Variants in DGKI observed in about 807,000 individuals in gnomAD.
DGKI encodes the protein diacylglycerol kinase iota.
A neutral mutation model predicts 147.5 loss-of-function variants in DGKI; 55 were observed. That is an observed-to-expected ratio of 0.37 (90% confidence interval 0.30 to 0.47). DGKI has a LOEUF of 0.47. DGKI is among the 20% of genes least tolerant of loss of function. The pLI, the probability that DGKI is intolerant of heterozygous loss-of-function variation, is 1.00. For missense variants in DGKI, 1,007 were observed against 1,323.8 expected (o/e 0.76, Z 3.71); for synonymous variants, 469 against 477.1 (o/e 0.98, Z 0.22).
intron 23 of DGKI, among the ~76,000 whole-genome samples, chr7:137,476,815 C>A (rs1196017438): frequency 6.6e-6 from 1 of 152,106 alleles, no homozygotes; most frequent in Non-Finnish European, 1.5e-5. Flanking sequence ...CCCAGAAGCC[C>A]CAAGCTATTC....
At chr7:137,494,489 C>A (rs1422252563) in intron 21 of DGKI, among the ~76,000 whole-genome samples, 1 of 152,160 alleles carries the variant, frequency 6.6e-6, no homozygotes. Context: ...AGAAACCCTA[C>A]AAGACAGAAG....
At chr7:137,617,362 C>G (rs182664940) in intron 8 of DGKI, among the ~76,000 whole-genome samples, 5 of 151,980 alleles carry the variant, frequency 3.3e-5, no homozygotes, top group East Asian at 3.9e-4. Context: ...AGCTTAAGAA[C>G]TACGTCAACA....
intron 28 of DGKI, among the ~76,000 whole-genome samples, chr7:137,421,040 G>GA (rs992172713): frequency 7.9e-5 from 12 of 150,978 alleles, no homozygotes; most frequent in South Asian, 4.2e-4. Flanking sequence ...AAAAGAAAAA[G>GA]AAAAAAAAAT....
chr7:137,469,702 C>T, intron 23 of DGKI, 83 bp from the exon 24 acceptor site: 1 of 1,289,458 alleles, frequency 7.8e-7, no homozygotes, highest in South Asian at 1.3e-5. Flanking sequence ...CCATCCTTTC[C>T]TACACAAAGC....
At chr7:137,615,042 G>C (rs1239315819) in intron 8 of DGKI, among the ~76,000 whole-genome samples, 3 of 152,012 alleles carry the variant, frequency 2.0e-5, no homozygotes, top group Non-Finnish European at 4.4e-5. Flanking sequence ...GACCGAAAAT[G>C]CTCCGTACTG....
chr7:137,508,085 A>C (rs1816430568), intron 21 of DGKI, among the ~76,000 whole-genome samples: 1 of 152,164 alleles, frequency 6.6e-6, no homozygotes, highest in Admixed American at 6.5e-5. Context: ...TTTTATACTA[A>C]GAAGTTGAGA....
At chr7:137,416,014 A>G (rs1369882486) in intron 28 of DGKI, among the ~76,000 whole-genome samples, 2 of 145,728 alleles carry the variant, frequency 1.4e-5, no homozygotes, top group African/African-American at 5.0e-5. Flanking sequence ...AACAAAAAAA[A>G]CAACAACAAA....
intron 12 of DGKI, among the ~76,000 whole-genome samples, chr7:137,588,303 A>T (rs776755265): frequency 6.6e-6 from 1 of 152,126 alleles, no homozygotes; most frequent in East Asian, 1.9e-4. Context: ...CTATATTTGT[A>T]CGAGTCATGT....
intron 19 of DGKI, among the ~76,000 whole-genome samples, chr7:137,563,064 A>C (rs1818469976): frequency 2.6e-5 from 4 of 152,126 alleles, no homozygotes; most frequent in African/African-American, 9.6e-5. Context: ...TAATAAATCA[A>C]GCCTAAGAGG....
chr7:137,637,403 C>T (rs1332352017), intron 6 of DGKI, among the ~76,000 whole-genome samples: 3 of 152,208 alleles, frequency 2.0e-5, no homozygotes, highest in Non-Finnish European at 4.4e-5. Context: ...ACTGTCCTCT[C>T]AACAATACCA....
chr7:137,674,552 A>G (rs1323093387), intron 3 of DGKI, among the ~76,000 whole-genome samples: 2 of 152,204 alleles, frequency 1.3e-5, no homozygotes, highest in Non-Finnish European at 2.9e-5. Context: ...AATGTATTCT[A>G]TAGTCATGCT....
Position 137,676,980 on chromosome 7 carries a change from A to G in DGKI, c.606+1577T>C, listed in dbSNP as rs575414311. Among the ~76,000 whole-genome samples the G allele has an allele frequency of 5.3e-5, 8 of 152,340 alleles. No homozygotes were observed. In the East Asian group the frequency reaches 1.5e-3, roughly 29 times the overall value. Reference sequence around the variant, plus strand: ...AGAAATTGTTCAAAAGTATATATGTAAGTAATACTGGCTTTCATTTTTTCC... The same window carrying G: ...AGAAATTGTTCAAAAGTATATATGTGAGTAATACTGGCTTTCATTTTTTCC... On this transcript the variant is annotated intron_variant, in intron 3 of 32. Coordinates refer to ENST00000614521, the MANE Select transcript of DGKI (RefSeq NM_001321708.2).
At chr7:137,501,295 T>C (rs1014883095) in intron 21 of DGKI, among the ~76,000 whole-genome samples, 1 of 152,214 alleles carries the variant, frequency 6.6e-6, no homozygotes, top group Non-Finnish European at 1.5e-5. Context: ...TGCTTCTGCA[T>C]CTTGACTATT....
Position 137,596,349 on chromosome 7 carries a change from C to T in DGKI, c.1311+1498G>A, listed in dbSNP as rs142009489. On this transcript the variant is annotated intron_variant, in intron 12 of 32. Transcript: ENST00000614521. Reference sequence around the variant, plus strand: ...TAACTATGGGTATGGTAAAGAGTCACAGTGAGTTTACCCTTTCATTAAAGA... The same window carrying T: ...TAACTATGGGTATGGTAAAGAGTCATAGTGAGTTTACCCTTTCATTAAAGA... Among the ~76,000 whole-genome samples the T allele has an allele frequency of 2.8e-3, 427 of 152,270 alleles. 2 individuals carry two copies. Among genetic ancestry groups the T allele is most frequent in the Non-Finnish European group, 3.9e-3 (263 of 68,014 alleles).
rs531943531 is a variant in DGKI at position 137,755,298 on chromosome 7, T to C, written c.402-65296A>G. Among the ~76,000 whole-genome samples, 10 of 152,124 alleles carry C rather than the reference T, an allele frequency of 6.6e-5. No individual in the cohort carries two copies. The South Asian group carries it at 2.1e-3, about 32-fold the overall frequency. On this transcript the variant is annotated intron_variant, in intron 1 of 32. Transcript: ENST00000614521. ...CTTTTTCAACATGTCCCATGAAGAG[T>C]TCCCCACCAAACGAGGGGGCCAATC...
intron 1 of DGKI, among the ~76,000 whole-genome samples, chr7:137,781,281 A>G (rs564114604): frequency 6.6e-5 from 10 of 152,276 alleles, no homozygotes. Flanking sequence ...GTAGCAACGC[A>G]TTGTTTTTGT....
intron 6 of DGKI, among the ~76,000 whole-genome samples, chr7:137,640,852 C>T (rs142005586): frequency 1.1e-4 from 16 of 152,036 alleles, no homozygotes; most frequent in African/African-American, 3.6e-4. Context: ...TGATGTTTTC[C>T]CATTTAATAA....
rs1357556984 is a variant in DGKI, at chr7:137,455,643, G to GC, written c.2735+7845_2735+7846insG. Among the ~76,000 whole-genome samples, 173 of 121,590 alleles carry GC rather than the reference G, an allele frequency of 1.4e-3. 1 individual carries two copies. Among genetic ancestry groups the GC allele is most frequent in the Non-Finnish European group, 1.7e-3 (97 of 57,562 alleles). 79.8% of individuals were successfully genotyped at this position (121,590 alleles called of 152,430 possible). A position where few individuals can be genotyped will look rare whatever the true frequency, so the allele number is the denominator to read the frequency against. The stretch of plus-strand genomic sequence containing the variant: ...TCCAGAAAAGTTAAAAAAAAAAGGG[G>GC]GGGGGGCGGGGAATGTGGTCTCCAT... On this transcript the variant is annotated intron_variant, in intron 27 of 32. Transcript: ENST00000614521.
intron 1 of DGKI, among the ~76,000 whole-genome samples, chr7:137,759,030 T>C (rs965522013): frequency 2.0e-5 from 3 of 152,140 alleles, no homozygotes; most frequent in Non-Finnish European, 4.4e-5. Context: ...GGCATACTGG[T>C]GGGGATTGGG....
Sources: gnomAD v4.1 joint callset for allele counts (sites outside exome capture counted in the v4.1 genomes callset) on GRCh38, gnomAD v4.1.1 for gene constraint, MANE v1.5 for transcripts, NCBI Gene and HGNC (gene_info 2026-07-23, HGNC 2026-07-21) for gene names.